The following PTPRM variants were observed in gnomAD, a reference collection of about 807,000 sequenced individuals.
PTPRM encodes receptor-type tyrosine-protein phosphatase mu.
A neutral mutation model predicts 186.7 loss-of-function variants in PTPRM; 47 were observed. That is an observed-to-expected ratio of 0.25 (90% CI 0.20 to 0.32). The LOEUF is 0.32. PTPRM is among the 10% of genes least tolerant of loss of function. The probability of loss-of-function intolerance (pLI) is 1.00; values close to 1 mark genes in which losing one functional copy is unlikely to be tolerated. For synonymous variants in PTPRM, 668 were observed against 674.9 expected (o/e 0.99, Z 0.16); for missense variants, 1,494 against 1,865.0 (o/e 0.80, Z 3.66).
chr18:7,694,966 T>C (rs957090071), intron 1 of PTPRM, among the ~76,000 whole-genome samples: 1 of 152,196 alleles, frequency 6.6e-6, no homozygotes, highest in Non-Finnish European at 1.5e-5. Context: ...GTGCTAAGTC[T>C]TTCCTAAGCG....
chr18:8,156,452 G>A (rs1321891659), intron 14 of PTPRM, among the ~76,000 whole-genome samples: 33 of 152,200 alleles, frequency 2.2e-4, no homozygotes, highest in Admixed American at 1.8e-3. Context: ...CATGTGAGAT[G>A]TGACGATGAT....
chr18:8,316,995 G>C (rs55962341), intron 21 of PTPRM, among the ~76,000 whole-genome samples: 31,290 of 152,146 alleles, frequency 0.21, 3,470 homozygotes, highest in South Asian at 0.29. Context: ...ATGGGGGCCT[G>C]CGGAGTTCCA....
intron 9 of PTPRM, among the ~76,000 whole-genome samples, chr18:8,082,817 T>C (rs2090208311): frequency 6.6e-6 from 1 of 152,054 alleles, no homozygotes; most frequent in Admixed American, 6.6e-5. Context: ...ATGTCATACA[T>C]GTGTGTCCAC....
intron 2 of PTPRM, among the ~76,000 whole-genome samples, chr18:7,857,208 G>A (rs1161849089): frequency 6.6e-6 from 1 of 152,158 alleles, no homozygotes; most frequent in Admixed American, 6.5e-5. Context: ...GTCACATTCA[G>A]TAGGTAGGCT....
intron 14 of PTPRM, among the ~76,000 whole-genome samples, chr18:8,230,694 T>C (rs2147151696): frequency 6.6e-6 from 1 of 152,240 alleles, no homozygotes; most frequent in East Asian, 1.9e-4. Flanking sequence ...TTGTAATTAC[T>C]ATTTTCATGT....
intron 2 of PTPRM, among the ~76,000 whole-genome samples, chr18:7,818,957 G>T (rs533363374): frequency 3.9e-5 from 6 of 152,332 alleles, no homozygotes; most frequent in African/African-American, 1.2e-4. Context: ...TGTGAAAAGT[G>T]TAATTCTTTT....
At chr18:8,128,057 G>T (rs1014364606) in intron 13 of PTPRM, among the ~76,000 whole-genome samples, 11 of 152,118 alleles carry the variant, frequency 7.2e-5, no homozygotes, top group African/African-American at 1.9e-4. Context: ...TGATACCAGA[G>T]TCATTTTCAG....
chr18:7,689,543 C>T (rs4328523), intron 1 of PTPRM, among the ~76,000 whole-genome samples: 2,685 of 152,300 alleles, frequency 0.018, 74 homozygotes, highest in East Asian at 0.1. Context: ...ACAGTTAAGC[C>T]CTATGGCCTC....
chr18:7,875,907 G>A (rs767157411), intron 2 of PTPRM, among the ~76,000 whole-genome samples: 68 of 152,098 alleles, frequency 4.5e-4, no homozygotes, highest in Non-Finnish European at 8.4e-4. Flanking sequence ...AGCACACCTA[G>A]GCTATGTGGT....
At chr18:7,648,921 C>G (rs542053831) in intron 1 of PTPRM, among the ~76,000 whole-genome samples, 2 of 152,300 alleles carry the variant, frequency 1.3e-5, no homozygotes, top group East Asian at 3.9e-4. Flanking sequence ...GATAAATTAG[C>G]CTTCTATTGG....
chr18:8,311,981 A>G (rs1046711517), intron 20 of PTPRM, among the ~76,000 whole-genome samples: 3 of 152,196 alleles, frequency 2.0e-5, no homozygotes, highest in Non-Finnish European at 2.9e-5. Flanking sequence ...GAGGGGGTAC[A>G]ACAGATCTTC....
At chr18:7,745,086 A>C (rs957271805) in intron 1 of PTPRM, among the ~76,000 whole-genome samples, 1 of 151,940 alleles carries the variant, frequency 6.6e-6, no homozygotes, top group African/African-American at 2.4e-5. Context: ...TAAGTTACCC[A>C]AATTCTCTAA....
chr18:8,075,033 C>T (rs953337503), intron 8 of PTPRM, among the ~76,000 whole-genome samples: 1 of 152,132 alleles, frequency 6.6e-6, no homozygotes, highest in East Asian at 1.9e-4. Flanking sequence ...TTGGTTCTTA[C>T]AGTTAAGTCT....
intron 8 of PTPRM, among the ~76,000 whole-genome samples, chr18:8,074,468 T>C (rs1157867426): frequency 6.6e-6 from 1 of 152,190 alleles, no homozygotes; most frequent in African/African-American, 2.4e-5. Flanking sequence ...GTTTAACCAA[T>C]TGAGGCACTG....
intron 1 of PTPRM, among the ~76,000 whole-genome samples, chr18:7,585,355 C>CTGGGAAATTGCAGAGAGGA (rs1256152159): frequency 6.6e-6 from 1 of 152,090 alleles, no homozygotes; most frequent in East Asian, 1.9e-4. Context: ...AGGAGAACAT[C>CTGGGAAATTGCAGAGAGGA]TGGGAAATTG....
intron 1 of PTPRM, among the ~76,000 whole-genome samples, chr18:7,670,375 T>A (rs1283604517): frequency 2.0e-5 from 3 of 152,234 alleles, no homozygotes; most frequent in Non-Finnish European, 4.4e-5. Flanking sequence ...GTCTTTCTTT[T>A]CAAAAAAGTT....
intron 27 of PTPRM, 30 bp downstream of exon 27, chr18:8,378,444 A>G (rs563159622): frequency 5.6e-6 from 9 of 1,609,284 alleles, no homozygotes; most frequent in Non-Finnish European, 7.6e-6. Context: ...GGGGCACTGC[A>G]CGGTGACTTG....
chr18:8,134,757 C>T (rs954068477), intron 13 of PTPRM, among the ~76,000 whole-genome samples: 4 of 151,980 alleles, frequency 2.6e-5, no homozygotes, highest in African/African-American at 7.2e-5. Context: ...TTTGTTAGGC[C>T]CTCCTCTTTA....
chr18:7,576,906 A>G (rs561769929), intron 1 of PTPRM, among the ~76,000 whole-genome samples: 1 of 152,348 alleles, frequency 6.6e-6, no homozygotes, highest in Admixed American at 6.5e-5. Context: ...TAGATATACA[A>G]TTATAAGGTG....
Sources: allele counts gnomAD v4.1 joint callset (sites outside exome capture counted in the v4.1 genomes callset), GRCh38; gene constraint gnomAD v4.1.1; transcripts MANE v1.5; gene names NCBI Gene and HGNC (gene_info 2026-07-23, HGNC 2026-07-21).